The following TCF4 variants were observed in gnomAD, a reference collection of about 807,000 sequenced individuals.
The protein encoded by TCF4 is transcription factor 4.
Under a neutral mutation model 82.1 loss-of-function variants are expected in TCF4, and 3 were observed. The observed-to-expected ratio is 0.04, with a 90% CI of 0.02 to 0.09. The LOEUF (loss-of-function observed/expected upper bound fraction) is 0.09. TCF4 is among the 10% of genes least tolerant of loss of function. The pLI, the probability that TCF4 is intolerant of heterozygous loss-of-function variation, is 1.00. For synonymous variants in TCF4, 276 were observed against 309.6 expected, an observed-to-expected ratio of 0.89 and a Z score of 1.14; for missense variants, 518 against 852.7, an observed-to-expected ratio of 0.61 and a Z score of 4.89.
intron 15 of TCF4, among the ~76,000 whole-genome samples, chr18:55,244,007 T>C (rs2052213848): frequency 6.6e-6 from 1 of 152,152 alleles, no homozygotes; most frequent in Non-Finnish European, 1.5e-5. Context: ...CACAGTGACT[T>C]GATATGAAAA....
chr18:55,481,614 C>T (rs574691210), intron 3 of TCF4, among the ~76,000 whole-genome samples: 6 of 152,318 alleles, frequency 3.9e-5, no homozygotes, highest in South Asian at 4.1e-4. Context: ...GAAAGCTGTA[C>T]TTTAAAAACA....
chr18:55,303,851 A>C (rs1253207430), intron 8 of TCF4, among the ~76,000 whole-genome samples: 1 of 152,224 alleles, frequency 6.6e-6, no homozygotes, highest in Non-Finnish European at 1.5e-5. Flanking sequence ...TTTAAAATCA[A>C]TTTGAAATAG....
chr18:55,324,757 C>A (rs1316405204), intron 8 of TCF4, among the ~76,000 whole-genome samples: 1 of 152,174 alleles, frequency 6.6e-6, no homozygotes, highest in African/African-American at 2.4e-5. Context: ...CAGAAAGCCA[C>A]CATCCCTCTC....
intron 3 of TCF4, among the ~76,000 whole-genome samples, chr18:55,553,627 G>A (rs368314584): frequency 4.3e-4 from 65 of 152,268 alleles, no homozygotes; most frequent in African/African-American, 1.2e-3. Context: ...TAAAGTTTAC[G>A]AAGCTCAGCA....
intron 8 of TCF4, among the ~76,000 whole-genome samples, chr18:55,344,480 C>T (rs1412024934): frequency 2.6e-5 from 4 of 151,642 alleles, no homozygotes; most frequent in African/African-American, 4.9e-5. Context: ...AAACCACTCT[C>T]GAGTCCAAAA....
intron 3 of TCF4, among the ~76,000 whole-genome samples, chr18:55,560,781 T>C (rs750876983): frequency 7.9e-5 from 12 of 152,326 alleles, no homozygotes; most frequent in Middle Eastern, 3.4e-3. Context: ...ATGAAGTATG[T>C]GTCTATCTGT....
chr18:55,513,898 T>A (rs999624379), intron 3 of TCF4, among the ~76,000 whole-genome samples: 1 of 152,226 alleles, frequency 6.6e-6, no homozygotes, highest in Non-Finnish European at 1.5e-5. Flanking sequence ...ACAGCCAGCA[T>A]ATACTGGTAG....
chr18:55,355,046 T>C (rs1284313094), intron 6 of TCF4, among the ~76,000 whole-genome samples: 1 of 152,168 alleles, frequency 6.6e-6, no homozygotes, highest in Non-Finnish European at 1.5e-5. Flanking sequence ...GTCTAATTCA[T>C]GTTTGGGTAT....
chr18:55,275,287 A>AAC (rs1427394973), intron 10 of TCF4, among the ~76,000 whole-genome samples: 6 of 150,744 alleles, frequency 4.0e-5, no homozygotes, highest in Non-Finnish European at 5.9e-5. Context: ...AAAAAAAAAA[A>AAC]AAAAAAAAAA....
intron 6 of TCF4, among the ~76,000 whole-genome samples, chr18:55,361,797 G>A (rs1470605763): frequency 6.6e-6 from 1 of 152,178 alleles, no homozygotes; most frequent in African/African-American, 2.4e-5. Flanking sequence ...TATCTATACA[G>A]TGTTTGGTAT....
At chr18:55,539,029 C>T (rs367903598) in intron 3 of TCF4, among the ~76,000 whole-genome samples, 4 of 151,594 alleles carry the variant, frequency 2.6e-5, no homozygotes, top group East Asian at 1.9e-4. Context: ...CACACACGTG[C>T]GCGCACACAC....
chr18:55,248,228 A>C (rs1000244341), intron 15 of TCF4, among the ~76,000 whole-genome samples: 1 of 152,262 alleles, frequency 6.6e-6, no homozygotes, highest in African/African-American at 2.4e-5. Flanking sequence ...TGTGGAGATT[A>C]GGAGAGATGA....
chr18:55,478,031 T>C (rs1273927938), intron 3 of TCF4, among the ~76,000 whole-genome samples: 1 of 152,086 alleles, frequency 6.6e-6, no homozygotes, highest in African/African-American at 2.4e-5. Flanking sequence ...GATATGTCAT[T>C]AGTGTGAAAG....
At chr18:55,350,248 A>C (rs1285478819) in intron 8 of TCF4, 111 bp downstream of exon 8, 8 of 1,144,956 alleles carry the variant, frequency 7.0e-6, no homozygotes, top group Non-Finnish European at 1.0e-5. Context: ...CACCTTCTAG[A>C]TAAACGTGCT....
At chr18:55,450,910 G>C (rs1432107531) in intron 5 of TCF4, among the ~76,000 whole-genome samples, 1 of 152,162 alleles carries the variant, frequency 6.6e-6, no homozygotes, top group Non-Finnish European at 1.5e-5. Flanking sequence ...GGTGTTCTTG[G>C]CCTTGTGTTT....
intron 3 of TCF4, among the ~76,000 whole-genome samples, chr18:55,486,809 T>C (rs2096522739): frequency 6.6e-6 from 1 of 152,152 alleles, no homozygotes; most frequent in African/African-American, 2.4e-5. Context: ...GGTAAGAAGA[T>C]CTGGGACTTC....
intron 15 of TCF4, among the ~76,000 whole-genome samples, chr18:55,240,801 C>T (rs2050976474): frequency 6.6e-6 from 1 of 152,112 alleles, no homozygotes; most frequent in Non-Finnish European, 1.5e-5. Flanking sequence ...GTGATTAAAC[C>T]TTTAAGAGAC....
intron 8 of TCF4, among the ~76,000 whole-genome samples, chr18:55,304,674 T>C (rs138321409): frequency 6.6e-6 from 1 of 152,224 alleles, no homozygotes; most frequent in Non-Finnish European, 1.5e-5. Flanking sequence ...GCACATTTCA[T>C]TATCCAAGAC....
intron 2 of TCF4, among the ~76,000 whole-genome samples, chr18:55,600,434 C>T (rs1207983886): frequency 6.6e-6 from 1 of 152,200 alleles, no homozygotes; most frequent in African/African-American, 2.4e-5. Context: ...CTCTAAACCT[C>T]TAAAGGGCCA....
Sources: allele counts gnomAD v4.1 joint callset (sites outside exome capture counted in the v4.1 genomes callset), GRCh38; gene constraint gnomAD v4.1.1; transcripts MANE v1.5; gene names NCBI Gene and HGNC (gene_info 2026-07-23, HGNC 2026-07-21).